MPRIP: variants seen among roughly 807,000 people sequenced by gnomAD.
MPRIP encodes myosin phosphatase Rho interacting protein, also known as myosin phosphatase Rho-interacting protein.
Under a neutral mutation model 234.9 loss-of-function variants are expected in MPRIP, and 59 were observed. That is an observed-to-expected ratio of 0.25 (90% confidence interval 0.20 to 0.31). The LOEUF is 0.31. Ranked by LOEUF, MPRIP falls within the 10% of genes least tolerant of loss-of-function variation. The pLI is 1.00. For synonymous variants in MPRIP, 1,144 were observed against 1,263.9 expected, an observed-to-expected ratio of 0.91 and a Z score of 2.01; for missense variants, 2,436 against 3,071.0, an observed-to-expected ratio of 0.79 and a Z score of 4.89.
At chr17:17,114,711 C>T (rs1014922099) in intron 3 of MPRIP, among the ~76,000 whole-genome samples, 1 of 144,996 alleles carries the variant, frequency 6.9e-6, no homozygotes, top group Non-Finnish European at 1.5e-5. Context: ...CTACCCCCCG[C>T]CCACCCACCA....
Position 17,185,986 on chromosome 17 carries a change from A to G in MPRIP, c.*1092A>G, listed in dbSNP as rs192507337. Reference sequence around the variant, plus strand: ...TGGTTAAAGTAAACCTATACTAACAATTTTGCTTTTTCTAACAGTTTGAGG... The same window carrying G: ...TGGTTAAAGTAAACCTATACTAACAGTTTTGCTTTTTCTAACAGTTTGAGG... On this transcript the variant is annotated 3_prime_UTR_variant, in exon 24 of 24. Transcript: ENST00000651222. 3 of 155,484 alleles carry G rather than the reference A, an allele frequency of 1.9e-5. No homozygotes were observed. In the East Asian group the frequency reaches 5.7e-4, roughly 30 times the overall value. 9.6% of individuals were successfully genotyped at this position (155,484 alleles called of 1,614,324 possible).
intron 9 of MPRIP, among the ~76,000 whole-genome samples, chr17:17,145,589 C>T (rs1388125137): frequency 6.6e-6 from 1 of 152,254 alleles, no homozygotes; most frequent in Non-Finnish European, 1.5e-5. Context: ...TTCCTCAACA[C>T]CGCACGTCTC....
intron 16 of MPRIP, 52 bp from the exon 17 acceptor site, chr17:17,171,666 C>G (rs2046137622): frequency 6.3e-7 from 1 of 1,584,118 alleles, no homozygotes; most frequent in South Asian, 1.2e-5. Flanking sequence ...AAAAGGGCCC[C>G]CAACTTAGAG....
chr17:17,066,602 C>T (rs2089030694), intron 1 of MPRIP, among the ~76,000 whole-genome samples: 1 of 152,022 alleles, frequency 6.6e-6, no homozygotes. Context: ...ATTCCAACAG[C>T]CCCAGTGGAT....
intron 5 of MPRIP, 27 bp from the exon 6 acceptor site, chr17:17,136,192 C>T (rs372437926): frequency 2.2e-5 from 36 of 1,613,408 alleles, no homozygotes; most frequent in Non-Finnish European, 3.1e-5. Flanking sequence ...CCTGCACCTT[C>T]ACAGACACCA....
rs2046465983 is a variant in MPRIP, at chr17:17,185,865, A to G, written c.*971A>G. 1 of 222,160 alleles carries G rather than the reference A, an allele frequency of 4.5e-6. No individual in the cohort carries two copies. Among genetic ancestry groups the G allele is most frequent in the South Asian group, 5.4e-5 (1 of 18,404 alleles). The allele number at this position is 222,160 out of a possible 1,614,324, so 13.8% of individuals were successfully genotyped here. Reference sequence around the variant, plus strand: ...GAGGATGTCAGAATCTGATGAGAACAGCACATTAGTGTTTATTGAGACTCC... The same window carrying G: ...GAGGATGTCAGAATCTGATGAGAACGGCACATTAGTGTTTATTGAGACTCC... On this transcript the variant is annotated 3_prime_UTR_variant, in exon 24 of 24. Coordinates refer to ENST00000651222, the MANE Select transcript of MPRIP (RefSeq NM_001364716.4).
chr17:17,057,509 C>T (rs2088737506), intron 1 of MPRIP: 2 of 687,496 alleles, frequency 2.9e-6, no homozygotes, highest in African/African-American at 1.8e-5. Flanking sequence ...GTGCTGGGAG[C>T]TGCTGGCAGA....
chr17:17,078,981 T>C lies in MPRIP; in HGVS notation c.267+905T>C, dbSNP rs1322397879. 1.3e-5 allele frequency among the ~76,000 whole-genome samples: 2 copies of C among 151,910 alleles called. No homozygotes were observed. The highest frequency in any genetic ancestry group is 2.4e-5 in the African/African-American group (1 of 41,332). ...CAGCCCCTGCCTATCCTACCCAGAG[T>C]TTGTTTCTTTGCTGCAGGGGCGAGA... On this transcript the variant is annotated intron_variant, in intron 3 of 23. Transcript: ENST00000651222. This position sits in a 1 kb window ranked among gnomAD's most constrained non-coding sequence, Gnocchi z 4.3.
At chr17:17,048,223 T>C (rs1446866811) in intron 1 of MPRIP, among the ~76,000 whole-genome samples, 4 of 152,150 alleles carry the variant, frequency 2.6e-5, no homozygotes, top group Non-Finnish European at 5.9e-5. Context: ...GGTCTTGATC[T>C]CTCCCAGGGT....
chr17:17,172,859 TG>T lies in MPRIP; in HGVS notation c.6590+48del, dbSNP rs747247287. 5 of 1,541,502 alleles carry T rather than the reference TG, an allele frequency of 3.2e-6. No homozygotes were observed. In the African/African-American group the frequency reaches 4.1e-5, roughly 13 times the overall value. On this transcript the variant is annotated intron_variant, in intron 18 of 23. Transcript: ENST00000651222. The stretch of plus-strand genomic sequence containing the variant: ...CCATCTGCCCTTGGGAGGGCCCCTC[TG>T]GGGTGCTGACCAGGCCACAGCTGGG...
intron 1 of MPRIP, among the ~76,000 whole-genome samples, chr17:17,060,085 C>G (rs1301404162): frequency 6.6e-6 from 1 of 152,150 alleles, no homozygotes; most frequent in African/African-American, 2.4e-5. Flanking sequence ...GAGGACAGCC[C>G]CCAATCTCCG....
intron 20 of MPRIP, 113 bp from the exon 21 acceptor site, chr17:17,176,313 G>T: frequency 1.3e-6 from 1 of 781,734 alleles, no homozygotes. Context: ...GCACCACGAG[G>T]CTGCCCTGCT....
At chr17:17,178,071 C>A (rs1389720467) in intron 22 of MPRIP, among the ~76,000 whole-genome samples, 1 of 151,958 alleles carries the variant, frequency 6.6e-6, no homozygotes, top group Non-Finnish European at 1.5e-5. Context: ...CAGGAGTGCA[C>A]CACAAAACAC....
At chr17:17,110,168 G>A (rs968573331) in intron 3 of MPRIP, among the ~76,000 whole-genome samples, 2 of 151,902 alleles carry the variant, frequency 1.3e-5, no homozygotes, top group Admixed American at 6.6e-5. Context: ...TCTCACTCCC[G>A]CCCTCCTCTC....
At chr17:17,077,974 A>G in intron 2 of MPRIP, 37 bp from the exon 3 acceptor site, 1 of 1,612,048 alleles carries the variant, frequency 6.2e-7, no homozygotes, top group Non-Finnish European at 8.5e-7. Flanking sequence ...GCCAGGACCC[A>G]GATCCTCCTA....
At chr17:17,098,031 A>T (rs1172514288) in intron 3 of MPRIP, among the ~76,000 whole-genome samples, 1 of 152,184 alleles carries the variant, frequency 6.6e-6, no homozygotes, top group Non-Finnish European at 1.5e-5. Flanking sequence ...GCTGGGGGTG[A>T]TGGGCCTTCA....
intron 1 of MPRIP, among the ~76,000 whole-genome samples, chr17:17,067,189 C>T (rs937328952): frequency 6.6e-6 from 1 of 152,142 alleles, no homozygotes; most frequent in African/African-American, 2.4e-5. Context: ...AAGATTTATT[C>T]TTACTGTACA....
intron 12 of MPRIP, among the ~76,000 whole-genome samples, chr17:17,153,705 C>T (rs1302251318): frequency 6.6e-6 from 1 of 151,952 alleles, no homozygotes; most frequent in Non-Finnish European, 1.5e-5. Flanking sequence ...TACTTCTGAG[C>T]TGCCCTGTCC....
chr17:17,080,674 G>C (rs922417843), intron 3 of MPRIP, among the ~76,000 whole-genome samples: 9 of 152,236 alleles, frequency 5.9e-5, no homozygotes, highest in African/African-American at 1.9e-4. Flanking sequence ...GAACAAGGAA[G>C]GCTCCAGCCC....
Sources: allele counts gnomAD v4.1 joint callset (sites outside exome capture counted in the v4.1 genomes callset), GRCh38; gene constraint gnomAD v4.1.1; non-coding constraint Gnocchi (gnomAD v3.1); transcripts MANE v1.5; gene names NCBI Gene and HGNC (gene_info 2026-07-23, HGNC 2026-07-21).